The following CDKL3 variants were observed in gnomAD, a reference collection of about 807,000 sequenced individuals.
CDKL3 encodes cyclin dependent kinase like 3, also known as cyclin-dependent kinase-like 3.
Under a neutral mutation model 69.3 loss-of-function variants are expected in CDKL3, and 65 were observed. The ratio of observed to expected loss-of-function variants is 0.94; its 90% CI spans 0.77 to 1.15. CDKL3 has a LOEUF of 1.15. Among genes scored for constraint, CDKL3 ranks in the 50% most tolerant of loss-of-function variants. CDKL3 has a pLI of 0.00. For synonymous variants in CDKL3, 202 were observed against 221.6 expected (o/e 0.91, Z 0.79); for missense variants, 652 against 689.2 (o/e 0.95, Z 0.61).
At chr5:134,306,770 TTTTTG>T (rs1767984419) in intron 9 of CDKL3, 68 bp from the exon 10 acceptor site, 1 of 983,746 alleles carries the variant, frequency 1.0e-6, no homozygotes, top group African/African-American at 1.9e-5. Context: ...TTTTTTTTTT[TTTTTG>T]GCAGATTCTC....
intron 4 of CDKL3, among the ~76,000 whole-genome samples, chr5:134,331,258 C>T (rs979417218): frequency 6.6e-6 from 1 of 152,132 alleles, no homozygotes; most frequent in African/African-American, 2.4e-5. Flanking sequence ...TGGTCTGCTG[C>T]TGCAGGCTTC....
At chr5:134,368,152 C>G (rs1176688647), upstream of CDKL3, among the ~76,000 whole-genome samples, 1 of 152,228 alleles carries the variant, frequency 6.6e-6, no homozygotes, top group Non-Finnish European at 1.5e-5. Flanking sequence ...ACCCCCACCT[C>G]CACACCCCTG....
chr5:134,298,541 G>A lies in CDKL3; in HGVS notation c.*110C>T, dbSNP rs1455472971. On this transcript the variant is annotated 3_prime_UTR_variant, in exon 13 of 13. Coordinates refer to ENST00000265334, the MANE Select transcript of CDKL3 (RefSeq NM_001113575.2). Reference sequence around the variant, plus strand: ...ACAAAAAAAGCTGGATGATGCTCATGCACATGGATGGCTGTCTTAACAACA... The same window carrying A: ...ACAAAAAAAGCTGGATGATGCTCATACACATGGATGGCTGTCTTAACAACA... 2 of 1,480,466 alleles carry A rather than the reference G, an allele frequency of 1.4e-6. No homozygotes were observed. Among genetic ancestry groups the A allele is most frequent in the East Asian group, 2.4e-5 (1 of 42,246 alleles). 91.7% of individuals were successfully genotyped at this position (1,480,466 alleles called of 1,614,324 possible).
chr5:134,360,894 A>G (rs891464222), intron 2 of CDKL3, among the ~76,000 whole-genome samples: 2 of 152,228 alleles, frequency 1.3e-5, no homozygotes, highest in Admixed American at 6.5e-5. Flanking sequence ...TCATTAGACT[A>G]TAACAAAAGA....
chr5:134,360,001 C>T lies in CDKL3; in HGVS notation c.256G>A (p.Val86Ile), dbSNP rs1309395128. The change falls in exon 3 of 13, where the codon GTA becomes ATA. Residue 86 changes from valine to isoleucine, a missense_variant. By Grantham distance (29) the Val-to-Ile change is conservative (BLOSUM62 3). Coordinates refer to ENST00000265334, the MANE Select transcript of CDKL3 (RefSeq NM_001113575.2). Reference protein sequence around the residue: ...HLVFEFIDHTVLDELQHYCHG... With the variant: ...HLVFEFIDHTILDELQHYCHG... ...CAATAATGTTGTAACTCATCTAATA[C>T]TGTGTGGTCAATAAATTCAAATACC... is the stretch of plus-strand genomic sequence containing the variant. The T allele has an allele frequency of 3.8e-6, 6 of 1,564,036 alleles. No individual in the cohort carries two copies. Among genetic ancestry groups the T allele is most frequent in the Non-Finnish European group, 5.2e-6 (6 of 1,151,742 alleles).
chr5:134,303,083 T>G (rs934354074), intron 11 of CDKL3, among the ~76,000 whole-genome samples: 5 of 152,202 alleles, frequency 3.3e-5, no homozygotes, highest in African/African-American at 1.2e-4. Flanking sequence ...GATATAAATC[T>G]TAAGTTCATA....
rs1768544336 is a variant in CDKL3, at chr5:134,308,612, A to G, written c.997T>C (p.Tyr333His). 6.2e-7 allele frequency: 1 copy of G among 1,606,184 alleles called. No individual in the cohort carries two copies. The highest frequency in any genetic ancestry group is 8.5e-7 in the Non-Finnish European group (1 of 1,178,112). The change falls in exon 8 of 13, where the codon TAT (tyrosine) becomes CAT (histidine). Residue 333 changes from tyrosine to histidine, a missense_variant. Physicochemically the swap from Tyr to His is moderately conservative, Grantham distance 83. Transcript: ENST00000265334. Reference sequence around the variant, plus strand: ...GAACTACTTAGCAGTGTATTGGTATAAACTGTTTTTCTTTCATCTTTCCTG... The same window carrying G: ...GAACTACTTAGCAGTGTATTGGTATGAACTGTTTTTCTTTCATCTTTCCTG... The part of the protein sequence containing the change: ...ELRKDERKTV[Y>H]TNTLLSSSVL...
chr5:134,306,566 T>A, intron 10 of CDKL3, 43 bp downstream of exon 10: 1 of 1,104,802 alleles, frequency 9.1e-7, no homozygotes, highest in South Asian at 1.3e-5. Flanking sequence ...AAAGAAGTAA[T>A]GTTAAAAGAG....
At chr5:134,369,116 A>C (rs1389132672), upstream of CDKL3, among the ~76,000 whole-genome samples, 1 of 152,212 alleles carries the variant, frequency 6.6e-6, no homozygotes, top group African/African-American at 2.4e-5. Flanking sequence ...CAGAACTGAT[A>C]ACAGCATACA....
At chr5:134,344,677 A>G (rs1751369999) in intron 4 of CDKL3, among the ~76,000 whole-genome samples, 1 of 152,174 alleles carries the variant, frequency 6.6e-6, no homozygotes, top group African/African-American at 2.4e-5. Context: ...TCATCCTAAC[A>G]CATTGGTAGG....
chr5:134,347,329 A>T (rs1047205933), intron 4 of CDKL3, among the ~76,000 whole-genome samples: 1 of 152,202 alleles, frequency 6.6e-6, no homozygotes, highest in Non-Finnish European at 1.5e-5. Flanking sequence ...ACACTTTGGA[A>T]TACAGTCTGG....
At chr5:134,353,167 C>T (rs1753737544) in intron 3 of CDKL3, among the ~76,000 whole-genome samples, 1 of 152,198 alleles carries the variant, frequency 6.6e-6, no homozygotes, top group Non-Finnish European at 1.5e-5. Flanking sequence ...CTACGTCTAA[C>T]AGATATTTCT....
chr5:134,356,448 G>A (rs983450966), intron 3 of CDKL3, among the ~76,000 whole-genome samples: 3 of 152,172 alleles, frequency 2.0e-5, no homozygotes, highest in South Asian at 4.1e-4. Context: ...ATGGCATTGG[G>A]AAATTCACTT....
At chr5:134,319,628 AT>A (rs1434221346) in intron 5 of CDKL3, 131 bp from the exon 6 acceptor site, 15 of 898,868 alleles carry the variant, frequency 1.7e-5, no homozygotes, top group East Asian at 1.2e-4. Context: ...ATGTATTTTA[AT>A]TTTTTGAAGT....
intron 4 of CDKL3, among the ~76,000 whole-genome samples, chr5:134,348,186 G>A (rs760226640): frequency 1.3e-5 from 2 of 152,138 alleles, no homozygotes; most frequent in African/African-American, 4.8e-5. Flanking sequence ...GCAGGAGTTC[G>A]AGACAGCCTG....
Position 134,350,265 on chromosome 5 carries a change from C to A in CDKL3, c.523G>T (p.Asp175Tyr). ...WYRAPELVLKDTSYGKPVDIW... is the reference protein window; with the variant it reads ...WYRAPELVLKYTSYGKPVDIW... Reference sequence around the variant, plus strand: ...TACACATACTTTCCATAAGAAGTATCTTTTAATACTAATTCGGGAGCTCTA... The same window carrying A: ...TACACATACTTTCCATAAGAAGTATATTTTAATACTAATTCGGGAGCTCTA... Residue 175 changes from aspartate to tyrosine, a missense_variant, in exon 4 of 13, where the codon GAT becomes TAT. By Grantham distance (160) the Asp-to-Tyr change is radical (BLOSUM62 -3). Coordinates refer to ENST00000265334, the MANE Select transcript of CDKL3 (RefSeq NM_001113575.2). 1 of 1,576,466 alleles carries A rather than the reference C, an allele frequency of 6.3e-7. No homozygotes were observed. Among genetic ancestry groups the A allele is most frequent in the East Asian group, 2.3e-5 (1 of 43,724 alleles).
upstream of CDKL3, among the ~76,000 whole-genome samples, chr5:134,368,099 G>A (rs1757869174): frequency 6.6e-6 from 1 of 152,236 alleles, no homozygotes; most frequent in Non-Finnish European, 1.5e-5. Context: ...CACCCAGCAT[G>A]CATATTTAAA....
intron 4 of CDKL3, among the ~76,000 whole-genome samples, chr5:134,349,722 G>A (rs376326624): frequency 2.6e-5 from 4 of 152,332 alleles, no homozygotes; most frequent in South Asian, 4.1e-4. Flanking sequence ...CATTCAGCCT[G>A]TGAGAGCTGA....
intron 8 of CDKL3, among the ~76,000 whole-genome samples, chr5:134,289,102 C>T (rs1765004831): frequency 7.3e-6 from 1 of 137,784 alleles, no homozygotes. Context: ...TTTGAGGCTG[C>T]AGTAAGTTAT....
Sources: allele counts gnomAD v4.1 joint callset (sites outside exome capture counted in the v4.1 genomes callset), GRCh38; gene constraint gnomAD v4.1.1; transcripts MANE v1.5; gene names NCBI Gene and HGNC (gene_info 2026-07-23, HGNC 2026-07-21).